Variants in ARMC7 observed in about 807,000 individuals in gnomAD.
The protein encoded by ARMC7 is armadillo repeat containing 7.
In ARMC7, 9 loss-of-function variants were observed where a neutral mutation model predicts 14.8. The ratio of observed to expected loss-of-function variants is 0.61; its 90% CI spans 0.37 to 1.06. The LOEUF is 1.06. Among genes scored for constraint, ARMC7 ranks in the 50% least tolerant of loss-of-function variants. The pLI, the probability that ARMC7 is intolerant of heterozygous loss-of-function variation, is 0.01. For synonymous variants in ARMC7, 125 were observed against 123.4 expected (o/e 1.01, Z -0.09); for missense variants, 262 against 267.1 (o/e 0.98, Z 0.13).
intron 2 of ARMC7, among the ~76,000 whole-genome samples, chr17:75,122,783 G>T (rs1302170272): frequency 6.6e-6 from 1 of 151,734 alleles, no homozygotes; most frequent in African/African-American, 2.4e-5. Context: ...TTCTCACGGA[G>T]TTTATAGTTT....
chr17:75,128,694 T>G lies in ARMC7; in HGVS notation c.253T>G (p.Cys85Gly), dbSNP rs1238012574. The change falls in exon 3 of 3, where the codon TGC (cysteine) becomes GGC (glycine). Residue 85 changes from cysteine to glycine, a missense_variant. Transcript: ENST00000245543. ...EFAIGGLCNL[C>G]PDRANKEHIL... ...TCCCACAGGAGGCCTGTGCAACCTG[T>G]GCCCAGACAGGGCCAACAAGGAGCA... 6 of 1,612,772 alleles carry G rather than the reference T, an allele frequency of 3.7e-6. No homozygotes were observed. Among genetic ancestry groups the G allele is most frequent in the Non-Finnish European group, 5.1e-6 (6 of 1,179,548 alleles).
At chr17:75,113,681 A>G (rs918805236) in intron 2 of ARMC7, among the ~76,000 whole-genome samples, 1 of 152,190 alleles carries the variant, frequency 6.6e-6, no homozygotes, top group African/African-American at 2.4e-5. Context: ...AGTGTGATTC[A>G]AATTTTTCAA....
rs1036730347 is a variant in ARMC7, at chr17:75,114,775, C to T, written c.235+4169C>T. 2.0e-4 allele frequency: 80 copies of T among 398,358 alleles called. 1 individual carries two copies. Among genetic ancestry groups the T allele is most frequent in the Non-Finnish European group, 1.6e-4 (36 of 226,052 alleles). The allele number at this position is 398,358 out of a possible 1,614,324, so 24.7% of individuals were successfully genotyped here. A position where few individuals can be genotyped will look rare whatever the true frequency, so the allele number is the denominator to read the frequency against. ...ACAGTAGCTTTCTCAGCGTCGAATC[C>T]CTCCGTGGGACCATGTTGCAATGAA... On this transcript the variant is annotated intron_variant, in intron 2 of 2. Transcript: ENST00000245543.
At chr17:75,116,907 G>A (rs1213146312) in intron 2 of ARMC7, among the ~76,000 whole-genome samples, 3 of 152,136 alleles carry the variant, frequency 2.0e-5, no homozygotes, top group Non-Finnish European at 4.4e-5. Context: ...TTCCATGCTG[G>A]CTTTGCTGTG....
At chr17:75,123,387 T>C (rs1298051122) in intron 2 of ARMC7, among the ~76,000 whole-genome samples, 2 of 148,080 alleles carry the variant, frequency 1.4e-5, no homozygotes, top group African/African-American at 2.5e-5. Flanking sequence ...CGAGTTTCGC[T>C]CTGTCGCCCA....
chr17:75,113,212 CG>C (rs538733949), intron 2 of ARMC7, among the ~76,000 whole-genome samples: 2,117 of 151,256 alleles, frequency 0.014, 43 homozygotes, highest in African/African-American at 0.048. Context: ...TTAGTAGAGA[CG>C]GGGTTTCACC....
At position 75,110,536 on chromosome 17, in the gene ARMC7, G is replaced by C; in HGVS notation, c.165G>C (p.Gln55His). Residue 55 changes from glutamine (Q) to histidine (H), a missense_variant, in exon 2 of 3, where the codon CAG (glutamine) becomes CAC (histidine). Physicochemically the swap from Gln to His is conservative, Grantham distance 24. Transcript: ENST00000245543. ...YDPSNYEYLR[Q>H]LQVLDLFLDS... ...CCAGCAACTACGAGTATCTGCGGCA[G>C]CTGCAGGTCCTGGATTTATTTCTCG... 1.9e-6 allele frequency: 3 copies of C among 1,614,262 alleles called. No individual in the cohort carries two copies. The highest frequency in any genetic ancestry group is 1.7e-6 in the Non-Finnish European group (2 of 1,180,044).
intron 2 of ARMC7, among the ~76,000 whole-genome samples, chr17:75,121,577 C>T (rs940465037): frequency 6.6e-6 from 1 of 152,112 alleles, no homozygotes; most frequent in Non-Finnish European, 1.5e-5. Context: ...CCATGCCTAG[C>T]TAATTTTTGT....
intron 2 of ARMC7, among the ~76,000 whole-genome samples, chr17:75,119,607 C>A (rs1364197054): frequency 7.3e-6 from 1 of 137,350 alleles, no homozygotes; most frequent in Non-Finnish European, 1.6e-5. Context: ...CGCTACCACG[C>A]CCAGCTAATT....
Position 75,119,744 on chromosome 17 carries a change from A to C in ARMC7, c.236-8933A>C, listed in dbSNP as rs140428356. ...TCAAAGTGCTAGGATTACAGGCGTG[A>C]GCCACCACGCCCAGCCTGCTGTGAA... On this transcript the variant is annotated intron_variant, in intron 2 of 2. Transcript: ENST00000245543. Among the ~76,000 whole-genome samples, 146 of 151,786 alleles carry C rather than the reference A, an allele frequency of 9.6e-4. 1 individual carries two copies. Among genetic ancestry groups the C allele is most frequent in the African/African-American group, 3.5e-3 (144 of 41,350 alleles).
intron 2 of ARMC7, chr17:75,114,060 C>T: frequency 5.0e-6 from 2 of 399,630 alleles, no homozygotes; most frequent in East Asian, 3.6e-5. Context: ...CCCAGGTCCC[C>T]GAGTGATGCC....
chr17:75,129,649 T>C lies in ARMC7; in HGVS notation c.*611T>C, dbSNP rs936109664. ...CACCCAGCCTTGCTGTTAGGCACCA[T>C]GACTCCAAGATGAAGATGTGGTCCC... On this transcript the variant is annotated 3_prime_UTR_variant, in exon 3 of 3. Transcript: ENST00000245543. 1 of 152,622 alleles carries C rather than the reference T, an allele frequency of 6.6e-6. No homozygotes were observed. Among genetic ancestry groups the C allele is most frequent in the South Asian group, 2.1e-4 (1 of 4,850 alleles). The allele number at this position is 152,622 out of a possible 1,614,324, so 9.5% of individuals were successfully genotyped here. A position where few individuals can be genotyped will look rare whatever the true frequency, so the allele number is the denominator to read the frequency against.
At chr17:75,118,346 C>A (rs2073987651) in intron 2 of ARMC7, among the ~76,000 whole-genome samples, 1 of 152,166 alleles carries the variant, frequency 6.6e-6, no homozygotes, top group African/African-American at 2.4e-5. Context: ...AGAGAAGCCC[C>A]TGCTCTCTCT....
chr17:75,110,627 C>G, intron 2 of ARMC7, 21 bp downstream of exon 2: 1 of 1,613,542 alleles, frequency 6.2e-7, no homozygotes, highest in South Asian at 1.1e-5. Flanking sequence ...GGCCCGTTCC[C>G]TAGATGCCTA....
In ARMC7 at chr17:75,110,647, G is replaced by C. The variant is rs370510627; in HGVS notation, c.235+41G>C. 6.9e-4 allele frequency: 1,104 copies of C among 1,610,534 alleles called. 17 individuals carry two copies. In the South Asian group the frequency reaches 0.011, roughly 16 times the overall value. On this transcript the variant is annotated intron_variant, in intron 2 of 2. Transcript: ENST00000245543. The stretch of plus-strand genomic sequence containing the variant: ...GTTCCCTAGATGCCTAAATGGGCCA[G>C]GGTGAGATAAGTGAATTAGAAGTGA...
At chr17:75,111,612 C>A (rs1319308374) in intron 2 of ARMC7, among the ~76,000 whole-genome samples, 5 of 149,926 alleles carry the variant, frequency 3.3e-5, no homozygotes. Context: ...ATTAGTCTGG[C>A]GTGGTGTCCC....
chr17:75,124,894 C>T (rs991846753), intron 2 of ARMC7, among the ~76,000 whole-genome samples: 1 of 152,208 alleles, frequency 6.6e-6, no homozygotes, highest in Non-Finnish European at 1.5e-5. Context: ...GTTCTAGGAA[C>T]TTGAGCCCTG....
intron 2 of ARMC7, among the ~76,000 whole-genome samples, chr17:75,116,862 G>A (rs960531127): frequency 2.0e-5 from 3 of 152,160 alleles, no homozygotes; most frequent in Non-Finnish European, 4.4e-5. Context: ...GCTTCCTTCC[G>A]TCTGTCCCTG....
intron 2 of ARMC7, among the ~76,000 whole-genome samples, chr17:75,112,573 CT>C (rs549730217): frequency 0.39 from 38,846 of 100,234 alleles, 5,880 homozygotes; most frequent in Non-Finnish European, 0.49. Context: ...TTCTCTTTTT[CT>C]TTTTTTTTTT....
Sources: allele counts gnomAD v4.1 joint callset (sites outside exome capture counted in the v4.1 genomes callset), GRCh38; gene constraint gnomAD v4.1.1; transcripts MANE v1.5; gene names NCBI Gene and HGNC (gene_info 2026-07-23, HGNC 2026-07-21).